PKN2: variants seen among roughly 807,000 people sequenced by gnomAD.
The protein encoded by PKN2 is serine/threonine-protein kinase N2.
In PKN2, 38 loss-of-function variants were observed where a neutral mutation model predicts 119.1. The observed-to-expected ratio is 0.32, with a 90% CI of 0.25 to 0.42. PKN2 has a LOEUF of 0.42. Ranked by LOEUF, PKN2 falls within the 10% of genes least tolerant of loss-of-function variation. The pLI is 1.00. For synonymous variants in PKN2, 390 were observed against 384.9 expected (o/e 1.01, Z -0.15); for missense variants, 850 against 1,165.1 (o/e 0.73, Z 3.94).
chr1:88,833,918 A>T lies in PKN2; in HGVS notation c.*470A>T, dbSNP rs57445331. ...GAATAAGGCAAATGCTCCTTTTTTT[A>T]AAAAAAAAGACATTACTGTAATATC... On this transcript the variant is annotated 3_prime_UTR_variant, in exon 22 of 22. Transcript: ENST00000370521. The T allele has an allele frequency of 0.053, 7,115 of 134,054 alleles. 301 individuals carry two copies. Among genetic ancestry groups the T allele is most frequent in the African/African-American group, 0.15 (4,531 of 29,350 alleles). The allele number at this position is 134,054 out of a possible 1,614,324, so 8.3% of individuals were successfully genotyped here. A position where few individuals can be genotyped will look rare whatever the true frequency, so the allele number is the denominator to read the frequency against.
chr1:88,746,086 C>T (rs1322576271), intron 2 of PKN2, among the ~76,000 whole-genome samples: 1 of 152,106 alleles, frequency 6.6e-6, no homozygotes, highest in African/African-American at 2.4e-5. Context: ...ATACCTTATA[C>T]CTTTAAACCT....
At chr1:88,797,382 G>A (rs1186859126) in intron 8 of PKN2, among the ~76,000 whole-genome samples, 6 of 151,444 alleles carry the variant, frequency 4.0e-5, no homozygotes, top group African/African-American at 7.3e-5. Context: ...AGTGGCTCAT[G>A]CCTATAATCC....
chr1:88,799,588 G>A (rs954283239), intron 8 of PKN2, among the ~76,000 whole-genome samples: 3 of 152,190 alleles, frequency 2.0e-5, no homozygotes, highest in Admixed American at 6.5e-5. Context: ...AAGTCGCAGT[G>A]TGTATTTCCC....
At chr1:88,689,810 C>A (rs1666257127) in intron 1 of PKN2, among the ~76,000 whole-genome samples, 1 of 151,894 alleles carries the variant, frequency 6.6e-6, no homozygotes, top group Admixed American at 6.6e-5. Flanking sequence ...GAACCTGTCT[C>A]AAAGAAAAGT....
At chr1:88,805,050 T>C (rs182095535) in intron 10 of PKN2, 129 bp downstream of exon 10, 476 of 557,068 alleles carry the variant, frequency 8.5e-4, no homozygotes, top group African/African-American at 4.4e-3. Flanking sequence ...TAACTTCTTA[T>C]TAAGGAATAT....
At chr1:88,758,917 T>C (rs1669329815) in intron 2 of PKN2, among the ~76,000 whole-genome samples, 1 of 152,242 alleles carries the variant, frequency 6.6e-6, no homozygotes. Context: ...ATGGGATTGC[T>C]GGGTCGAACG....
Position 88,832,868 on chromosome 1 carries a change from G to A in PKN2, c.2670+17G>A. The A allele has an allele frequency of 7.0e-7, 1 of 1,419,958 alleles. No homozygotes were observed. Among genetic ancestry groups the A allele is most frequent in the Admixed American group, 2.2e-5 (1 of 46,104 alleles). 88.0% of individuals were successfully genotyped at this position (1,419,958 alleles called of 1,614,324 possible). Reference sequence around the variant, plus strand: ...ATGAGAAGGGTAAGAATTAAAATAAGGATAAGAATTTTTTAAAGACTACTT... The same window carrying A: ...ATGAGAAGGGTAAGAATTAAAATAAAGATAAGAATTTTTTAAAGACTACTT... On this transcript the variant is annotated intron_variant, in intron 20 of 21. Coordinates refer to ENST00000370521, the MANE Select transcript of PKN2 (RefSeq NM_006256.4).
At chr1:88,695,507 C>G (rs1666506934) in intron 1 of PKN2, among the ~76,000 whole-genome samples, 1 of 152,056 alleles carries the variant, frequency 6.6e-6, no homozygotes, top group East Asian at 1.9e-4. Context: ...GACACCCATC[C>G]CATTCCCCAG....
chr1:88,707,235 C>T (rs1667038329), intron 1 of PKN2, among the ~76,000 whole-genome samples: 1 of 151,974 alleles, frequency 6.6e-6, no homozygotes, highest in African/African-American at 2.4e-5. Context: ...GTAAGCCCTA[C>T]TTTTTTTGAC....
chr1:88,714,221 C>T (rs1667354518), intron 1 of PKN2, among the ~76,000 whole-genome samples: 2 of 152,164 alleles, frequency 1.3e-5, no homozygotes, highest in Admixed American at 1.3e-4. Flanking sequence ...AGCATGATGC[C>T]TCCAGCTTTG....
At chr1:88,701,903 G>GA (rs1393049943) in intron 1 of PKN2, among the ~76,000 whole-genome samples, 1 of 152,144 alleles carries the variant, frequency 6.6e-6, no homozygotes, top group African/African-American at 2.4e-5. Flanking sequence ...ATTTCTAAGT[G>GA]ACTTGTGCAA....
At chr1:88,825,616 T>C (rs1672469738) in intron 18 of PKN2, among the ~76,000 whole-genome samples, 1 of 152,202 alleles carries the variant, frequency 6.6e-6, no homozygotes, top group East Asian at 1.9e-4. Flanking sequence ...TTCTGAAATC[T>C]ATCATTTCCA....
chr1:88,727,735 A>G (rs1259100787), intron 1 of PKN2, among the ~76,000 whole-genome samples: 1 of 152,102 alleles, frequency 6.6e-6, no homozygotes, highest in Non-Finnish European at 1.5e-5. Flanking sequence ...ATGCATGTGT[A>G]ATTTATCAGA....
Position 88,774,124 on chromosome 1 carries a change from A to T in PKN2, c.985+2245A>T, listed in dbSNP as rs558266509. ...GCTCACTGCAGCGAAAAGAAAATAA[A>T]CATAAAGGGGGAGATCTGAGAGGAT... On this transcript the variant is annotated intron_variant, in intron 6 of 21. Transcript: ENST00000370521. Among the ~76,000 whole-genome samples, 26 of 152,316 alleles carry T rather than the reference A, an allele frequency of 1.7e-4. No individual in the cohort carries two copies. The East Asian group carries it at 3.3e-3, about 19-fold the overall frequency.
intron 6 of PKN2, among the ~76,000 whole-genome samples, chr1:88,778,431 A>C (rs1373583621): frequency 6.6e-6 from 1 of 152,238 alleles, no homozygotes; most frequent in Non-Finnish European, 1.5e-5. Flanking sequence ...GCAGAGCTTG[A>C]GAGTCAACCA....
At chr1:88,813,874 T>A (rs1671878123) in intron 16 of PKN2, 141 bp downstream of exon 16, 1 of 617,530 alleles carries the variant, frequency 1.6e-6, no homozygotes, top group African/African-American at 1.9e-5. Flanking sequence ...CCTTACTTAC[T>A]TTTTTGCCAT....
chr1:88,695,016 A>G (rs1666481532), intron 1 of PKN2, among the ~76,000 whole-genome samples: 1 of 152,098 alleles, frequency 6.6e-6, no homozygotes, highest in African/African-American at 2.4e-5. Context: ...AGTCCCAGCT[A>G]TTCTGGAGGC....
chr1:88,742,315 A>G (rs1570563674), intron 2 of PKN2, among the ~76,000 whole-genome samples: 1 of 152,306 alleles, frequency 6.6e-6, no homozygotes, highest in Non-Finnish European at 1.5e-5. Context: ...TTAAATTTTT[A>G]CCATCTCAAA....
At chr1:88,724,882 GTTTTTTT>G (rs60507382) in intron 1 of PKN2, among the ~76,000 whole-genome samples, 3 of 106,012 alleles carry the variant, frequency 2.8e-5, no homozygotes, top group Non-Finnish European at 3.7e-5. Context: ...CCACCCCTTG[GTTTTTTT>G]TTTTTTTTTT....
Sources: gnomAD v4.1 joint callset for allele counts (sites outside exome capture counted in the v4.1 genomes callset) on GRCh38, gnomAD v4.1.1 for gene constraint, MANE v1.5 for transcripts, NCBI Gene and HGNC (gene_info 2026-07-23, HGNC 2026-07-21) for gene names.